The following RCAN2 variants were observed in gnomAD, a reference collection of about 807,000 sequenced individuals.
RCAN2 encodes regulator of calcineurin 2.
In RCAN2, 9 loss-of-function variants were observed where a neutral mutation model predicts 23.6. The observed-to-expected ratio is 0.38, with a 90% CI of 0.23 to 0.67. The LOEUF (loss-of-function observed/expected upper bound fraction) is 0.67, where lower values mean the gene tolerates loss of function less well. RCAN2 is among the 30% of genes least tolerant of loss of function. The probability of loss-of-function intolerance (pLI) is 0.51; values close to 1 mark genes in which losing one functional copy is unlikely to be tolerated. For synonymous variants in RCAN2, 109 were observed against 115.7 expected, an observed-to-expected ratio of 0.94 and a Z score of 0.37; for missense variants, 273 against 302.3, an observed-to-expected ratio of 0.90 and a Z score of 0.72.
At chr6:46,402,014 T>A (rs1582172370) in intron 2 of RCAN2, among the ~76,000 whole-genome samples, 1 of 149,410 alleles carries the variant, frequency 6.7e-6, no homozygotes, top group African/African-American at 2.5e-5. Context: ...CCATCGAGAG[T>A]CTGAGATGCA....
intron 2 of RCAN2, among the ~76,000 whole-genome samples, chr6:46,420,894 C>A (rs1183063677): frequency 2.6e-5 from 4 of 152,128 alleles, no homozygotes; most frequent in Non-Finnish European, 5.9e-5. Context: ...AGACACTAGG[C>A]AGGAGTGAAT....
chr6:46,272,327 C>T (rs189442475), intron 2 of RCAN2, among the ~76,000 whole-genome samples: 80 of 152,302 alleles, frequency 5.3e-4, no homozygotes, highest in Admixed American at 3.0e-3. Context: ...CACCTTCAGC[C>T]GAGTGAAACC....
chr6:46,319,426 T>G (rs1763539279), intron 2 of RCAN2, among the ~76,000 whole-genome samples: 1 of 152,238 alleles, frequency 6.6e-6, no homozygotes, highest in Non-Finnish European at 1.5e-5. Flanking sequence ...TTAATATATC[T>G]GACATTTAGG....
At chr6:46,291,364 G>A (rs1029359666) in intron 2 of RCAN2, among the ~76,000 whole-genome samples, 9 of 151,740 alleles carry the variant, frequency 5.9e-5, no homozygotes, top group Non-Finnish European at 1.2e-4. Flanking sequence ...CAGGTAGGGG[G>A]AAGTGAGGAG....
At chr6:46,315,441 G>C (rs1763401205) in intron 2 of RCAN2, among the ~76,000 whole-genome samples, 1 of 152,162 alleles carries the variant, frequency 6.6e-6, no homozygotes. Flanking sequence ...ACAGCTCTAT[G>C]ATGAGTGAGG....
chr6:46,418,451 A>G (rs1262898288), intron 2 of RCAN2, among the ~76,000 whole-genome samples: 1 of 151,932 alleles, frequency 6.6e-6, no homozygotes, highest in Non-Finnish European at 1.5e-5. Context: ...TGGATTTCAT[A>G]TCCCACCCCT....
At chr6:46,230,482 C>G (rs1582007545) in intron 4 of RCAN2, among the ~76,000 whole-genome samples, 1 of 152,182 alleles carries the variant, frequency 6.6e-6, no homozygotes, top group Non-Finnish European at 1.5e-5. Flanking sequence ...ATGGTGGATG[C>G]CCCTCCTCAC....
At chr6:46,243,316 A>G (rs187770909) in intron 4 of RCAN2, among the ~76,000 whole-genome samples, 26 of 152,350 alleles carry the variant, frequency 1.7e-4, no homozygotes, top group Non-Finnish European at 1.8e-4. Context: ...AACAGTCCCA[A>G]ATTGCTGGCA....
At chr6:46,241,688 T>C (rs991804439) in intron 4 of RCAN2, among the ~76,000 whole-genome samples, 5 of 152,210 alleles carry the variant, frequency 3.3e-5, no homozygotes, top group Non-Finnish European at 5.9e-5. Flanking sequence ...CAACCAATCT[T>C]TTACTCTTCT....
intron 2 of RCAN2, among the ~76,000 whole-genome samples, chr6:46,389,310 G>A (rs762786328): frequency 6.6e-6 from 1 of 152,138 alleles, no homozygotes; most frequent in Admixed American, 6.5e-5. Flanking sequence ...CACTCAGCCT[G>A]CTGTTTCAGA....
At chr6:46,429,191 T>C (rs532721145) in intron 2 of RCAN2, among the ~76,000 whole-genome samples, 1 of 152,302 alleles carries the variant, frequency 6.6e-6, no homozygotes, top group Non-Finnish European at 1.5e-5. Flanking sequence ...GAAATGCACC[T>C]AAAGCATCCC....
intron 2 of RCAN2, among the ~76,000 whole-genome samples, chr6:46,411,455 G>A (rs919712289): frequency 1.4e-4 from 21 of 152,110 alleles, no homozygotes; most frequent in African/African-American, 5.1e-4. Flanking sequence ...ACAGAACTGT[G>A]CACTTCAAAA....
At chr6:46,433,942 G>A (rs923449560) in intron 2 of RCAN2, among the ~76,000 whole-genome samples, 8 of 152,232 alleles carry the variant, frequency 5.3e-5, no homozygotes, top group Middle Eastern at 3.4e-3. Flanking sequence ...TTGGTGGAGC[G>A]GGTAAGTGCC....
chr6:46,380,188 A>C (rs898740580), intron 2 of RCAN2, among the ~76,000 whole-genome samples: 1 of 152,144 alleles, frequency 6.6e-6, no homozygotes, highest in Admixed American at 6.6e-5. Flanking sequence ...GTTATAAAAC[A>C]CACCCCCCTC....
chr6:46,441,871 A>G (rs992326366), intron 2 of RCAN2, among the ~76,000 whole-genome samples: 3 of 152,254 alleles, frequency 2.0e-5, no homozygotes, highest in Non-Finnish European at 2.9e-5. Context: ...AAGGAAGTCT[A>G]TACAGCACAC....
At chr6:46,259,209 C>CA (rs1213374087) in intron 2 of RCAN2, among the ~76,000 whole-genome samples, 1 of 151,922 alleles carries the variant, frequency 6.6e-6, no homozygotes, top group Non-Finnish European at 1.5e-5. Flanking sequence ...AAACAAAACA[C>CA]AAAAAAAGCA....
intron 2 of RCAN2, among the ~76,000 whole-genome samples, chr6:46,371,059 A>T (rs1765307376): frequency 6.6e-6 from 1 of 152,198 alleles, no homozygotes; most frequent in African/African-American, 2.4e-5. Flanking sequence ...GACATTGTAT[A>T]GTATGTATGT....
Position 46,292,858 on chromosome 6 carries a change from G to A in RCAN2, c.226-43962C>T, listed in dbSNP as rs558206540. 1.1e-4 allele frequency among the ~76,000 whole-genome samples: 17 copies of A among 152,120 alleles called. No individual in the cohort carries two copies. In the South Asian group the frequency reaches 2.5e-3, roughly 22 times the overall value. ...ATCTACATTAGGTATTTCTCCTAAC[G>A]CTATCCCTCCCCTAGCCCTCCACCC... On this transcript the variant is annotated intron_variant, in intron 2 of 4. Coordinates refer to ENST00000371374, the MANE Select transcript of RCAN2 (RefSeq NM_001251974.2).
At chr6:46,380,050 A>G (rs552579467) in intron 2 of RCAN2, among the ~76,000 whole-genome samples, 2 of 152,222 alleles carry the variant, frequency 1.3e-5, no homozygotes, top group African/African-American at 4.8e-5. Flanking sequence ...TTGCAGCATC[A>G]AAAGCAAAAA....
Sources: gnomAD v4.1 joint callset for allele counts (sites outside exome capture counted in the v4.1 genomes callset) on GRCh38, gnomAD v4.1.1 for gene constraint, MANE v1.5 for transcripts, NCBI Gene and HGNC (gene_info 2026-07-23, HGNC 2026-07-21) for gene names.